Variants in MAST2 observed in about 807,000 individuals in gnomAD.
The protein encoded by MAST2 is microtubule associated serine/threonine kinase 2.
MAST2 carries 70 observed loss-of-function variants against 147.4 expected under a neutral mutation model. That is an observed-to-expected ratio of 0.47 (90% CI 0.39 to 0.58). The LOEUF is 0.58. Among genes scored for constraint, MAST2 ranks in the 20% least tolerant of loss-of-function variants. The pLI, the probability that MAST2 is intolerant of heterozygous loss-of-function variation, is 0.00. For synonymous variants in MAST2, 869 were observed against 896.8 expected (o/e 0.97, Z 0.55); for missense variants, 2,080 against 2,302.3 (o/e 0.90, Z 1.98).
chr1:45,976,051 C>T (rs996177583), intron 5 of MAST2, among the ~76,000 whole-genome samples: 6 of 151,664 alleles, frequency 4.0e-5, no homozygotes, highest in African/African-American at 4.8e-5. Flanking sequence ...TTCGGCTCAC[C>T]GCAACCTCCA....
At chr1:45,995,666 C>T (rs1158733338) in intron 5 of MAST2, among the ~76,000 whole-genome samples, 2 of 152,192 alleles carry the variant, frequency 1.3e-5, no homozygotes, top group African/African-American at 2.4e-5. Context: ...AGTGATCGCC[C>T]TCCTCAGCCT....
chr1:45,945,562 A>G (rs1657907162), intron 4 of MAST2, among the ~76,000 whole-genome samples: 1 of 152,168 alleles, frequency 6.6e-6, no homozygotes, highest in Non-Finnish European at 1.5e-5. Context: ...CAGCTGGGCA[A>G]TTTATTGAGG....
At chr1:45,860,012 C>T (rs927523578) in intron 3 of MAST2, among the ~76,000 whole-genome samples, 1 of 152,086 alleles carries the variant, frequency 6.6e-6, no homozygotes, top group African/African-American at 2.4e-5. Flanking sequence ...GTCTTAATTT[C>T]TCCAGTTGTA....
chr1:45,832,544 T>G lies in MAST2; in HGVS notation c.468+2963T>G, dbSNP rs148781624. Among the ~76,000 whole-genome samples, 370 of 152,316 alleles carry G rather than the reference T, an allele frequency of 2.4e-3. 1 individual carries two copies. Among genetic ancestry groups the G allele is most frequent in the Middle Eastern group, 6.8e-3 (2 of 294 alleles). ...TGCTGCCTCAAGTGATCCACCGGCC[T>G]TGGCCTCCCTAAGTGCTGGGGTTAC... On this transcript the variant is annotated intron_variant, in intron 3 of 28. Transcript: ENST00000361297.
Position 46,035,002 on chromosome 1 carries a change from G to C in MAST2, c.4333G>C (p.Glu1445Gln). ...ACTAAAGAAGGAACTGCCGCCCAGG[G>C]AAGTGAGCCCTCTGGAGGTAGTTGG... ...SELKKELPPR[E>Q]VSPLEVVGAR... The change falls in exon 29 of 29, where the codon GAA (glutamate) becomes CAA (glutamine). Residue 1445 changes from glutamate to glutamine, a missense_variant. Around this residue, in one of 4 missense-constraint regions of MAST2, gnomAD observed 1,278 missense variants for 1,304.2 expected, o/e 0.98. Coordinates refer to ENST00000361297, the MANE Select transcript of MAST2 (RefSeq NM_015112.3). This position sits in a 1 kb window ranked among gnomAD's most constrained non-coding sequence, Gnocchi z 5.5. 2 of 1,614,086 alleles carry C rather than the reference G, an allele frequency of 1.2e-6. No individual in the cohort carries two copies. The highest frequency in any genetic ancestry group is 1.7e-6 in the Non-Finnish European group (2 of 1,180,046).
chr1:45,992,465 T>G (rs1644889617), intron 5 of MAST2, among the ~76,000 whole-genome samples: 1 of 152,202 alleles, frequency 6.6e-6, no homozygotes, highest in Non-Finnish European at 1.5e-5. Flanking sequence ...TTTGCATCTG[T>G]TTTCATAAGA....
In MAST2 at chr1:45,977,155, G is replaced by A. The variant is rs989585948; in HGVS notation, c.592+17678G>A. On this transcript the variant is annotated intron_variant, in intron 5 of 28. Transcript: ENST00000361297. ...AAAATAGGGAAATTTTTTAAAAACAGGATATAAAGGATAAGATTCCTAAAT... is the reference window on the plus strand; with the variant it reads ...AAAATAGGGAAATTTTTTAAAAACAAGATATAAAGGATAAGATTCCTAAAT... Among the ~76,000 whole-genome samples the A allele has an allele frequency of 2.0e-5, 3 of 152,174 alleles. 1 individual carries two copies. The highest frequency in any genetic ancestry group is 7.2e-5 in the African/African-American group (3 of 41,440).
At chr1:45,938,000 A>G (rs1656549344) in intron 4 of MAST2, among the ~76,000 whole-genome samples, 1 of 152,116 alleles carries the variant, frequency 6.6e-6, no homozygotes, top group Non-Finnish European at 1.5e-5. Flanking sequence ...TCCTAGCTCT[A>G]AGCAATAACT....
chr1:45,972,500 T>C (rs1643954287), intron 5 of MAST2, among the ~76,000 whole-genome samples: 1 of 152,234 alleles, frequency 6.6e-6, no homozygotes, highest in Non-Finnish European at 1.5e-5. Flanking sequence ...TGGGTAGTCT[T>C]GGAGAGGGGT....
intron 3 of MAST2, among the ~76,000 whole-genome samples, chr1:45,857,091 T>C (rs1197779455): frequency 6.6e-6 from 1 of 152,232 alleles, no homozygotes; most frequent in Non-Finnish European, 1.5e-5. Flanking sequence ...TAACATACTG[T>C]ATATTTTATG....
intron 5 of MAST2, among the ~76,000 whole-genome samples, chr1:45,987,486 A>G (rs1426189186): frequency 4.6e-5 from 7 of 152,020 alleles, no homozygotes; most frequent in Admixed American, 4.6e-4. Flanking sequence ...TAATTTTTAA[A>G]TTCTTTGTAG....
chr1:45,865,091 G>A (rs1466084062), intron 3 of MAST2: 1 of 455,702 alleles, frequency 2.2e-6, no homozygotes, highest in Non-Finnish European at 4.4e-6. Flanking sequence ...TTTTTTGTCT[G>A]ATATCTATTA....
chr1:46,024,828 C>T (rs1460175058), intron 15 of MAST2, among the ~76,000 whole-genome samples: 4 of 152,180 alleles, frequency 2.6e-5, no homozygotes, highest in Non-Finnish European at 5.9e-5. Flanking sequence ...ACTTTCCACC[C>T]CCCTCCATAC....
At chr1:45,877,855 G>A (rs1646671473) in intron 3 of MAST2, among the ~76,000 whole-genome samples, 1 of 151,996 alleles carries the variant, frequency 6.6e-6, no homozygotes, top group Non-Finnish European at 1.5e-5. Flanking sequence ...ATGAAAATAG[G>A]TGCAAAAATC....
chr1:46,028,747 G>A, intron 17 of MAST2, 21 bp from the exon 18 acceptor site: 2 of 1,613,816 alleles, frequency 1.2e-6, no homozygotes, highest in African/African-American at 1.3e-5. Context: ...GGCTGAGCCA[G>A]CCTGGCTTTT....
At chr1:45,939,135 TC>T (rs1388967840) in intron 4 of MAST2, among the ~76,000 whole-genome samples, 2 of 152,170 alleles carry the variant, frequency 1.3e-5, no homozygotes, top group Non-Finnish European at 2.9e-5. Flanking sequence ...TCCATTTTCT[TC>T]CAGAAGTTTT....
At chr1:45,841,235 CAGGGGTG>C (rs1645264474) in intron 3 of MAST2, among the ~76,000 whole-genome samples, 1 of 152,116 alleles carries the variant, frequency 6.6e-6, no homozygotes, top group African/African-American at 2.4e-5. Context: ...GCTGGAATTA[CAGGGGTG>C]AGCCACCGCA....
intron 3 of MAST2, among the ~76,000 whole-genome samples, chr1:45,873,032 G>T (rs1646460404): frequency 6.6e-6 from 1 of 152,070 alleles, no homozygotes; most frequent in Admixed American, 6.5e-5. Context: ...TAAAATTTTG[G>T]AGACTGTTAA....
chr1:46,009,079 G>A (rs1645605270), intron 9 of MAST2, among the ~76,000 whole-genome samples: 1 of 152,124 alleles, frequency 6.6e-6, no homozygotes, highest in African/African-American at 2.4e-5. Context: ...TTAAGAGATG[G>A]AGTCTTGCTC....
Sources: allele counts gnomAD v4.1 joint callset (sites outside exome capture counted in the v4.1 genomes callset), GRCh38; gene constraint gnomAD v4.1.1; regional missense constraint gnomAD v4.1.1; non-coding constraint Gnocchi (gnomAD v3.1); transcripts MANE v1.5; gene names NCBI Gene and HGNC (gene_info 2026-07-23, HGNC 2026-07-21).